SLIT2: variants seen among roughly 807,000 people sequenced by gnomAD.
SLIT2 encodes the protein slit guidance ligand 2.
A neutral mutation model predicts 185.7 loss-of-function variants in SLIT2; 41 were observed. The ratio of observed to expected loss-of-function variants is 0.22; its 90% CI spans 0.17 to 0.29. SLIT2 has a LOEUF of 0.29. SLIT2 is among the 10% of genes least tolerant of loss of function. The pLI is 1.00. For missense variants in SLIT2, 1,571 were observed against 1,909.0 expected (o/e 0.82, Z 3.30); for synonymous variants, 693 against 680.2 (o/e 1.02, Z -0.29).
chr4:20,612,379 A>AG (rs1729289939), intron 34 of SLIT2, among the ~76,000 whole-genome samples: 1 of 151,478 alleles, frequency 6.6e-6, no homozygotes, highest in Non-Finnish European at 1.5e-5. Flanking sequence ...CTGAAGGTAG[A>AG]GGGCCTGGAA....
intron 18 of SLIT2, among the ~76,000 whole-genome samples, chr4:20,534,313 T>G (rs891505550): frequency 6.6e-6 from 1 of 152,110 alleles, no homozygotes; most frequent in African/African-American, 2.4e-5. Context: ...CTTCCACTGT[T>G]TTTTCAAAGA....
chr4:20,342,162 G>A (rs1394372844), intron 4 of SLIT2, among the ~76,000 whole-genome samples: 2 of 152,032 alleles, frequency 1.3e-5, no homozygotes, highest in Non-Finnish European at 2.9e-5. Context: ...CACATTTCTA[G>A]GAAATTAGTG....
In SLIT2 at chr4:20,534,036, C is replaced by T. The variant is rs546708207; in HGVS notation, c.1832+321C>T. Among the ~76,000 whole-genome samples the T allele has an allele frequency of 1.1e-4, 17 of 152,300 alleles. No individual in the cohort carries two copies. The South Asian group carries it at 3.5e-3, about 32-fold the overall frequency. On this transcript the variant is annotated intron_variant, in intron 18 of 36. Transcript: ENST00000504154. ...ATAGCAGATGATCAGGAGCGTCCCCCATGGCTTCTGTCTCTTCTACAAAAT... is the reference window on the plus strand; with the variant it reads ...ATAGCAGATGATCAGGAGCGTCCCCTATGGCTTCTGTCTCTTCTACAAAAT...
In SLIT2 at chr4:20,392,430, T is replaced by A. The variant is rs554200221; in HGVS notation, c.396-75322T>A. Among the ~76,000 whole-genome samples the A allele has an allele frequency of 5.7e-4, 87 of 152,238 alleles. No individual in the cohort carries two copies. The South Asian group carries it at 0.015, about 25-fold the overall frequency. On this transcript the variant is annotated intron_variant, in intron 4 of 36. Transcript: ENST00000504154. Reference sequence around the variant, plus strand: ...ATTGAATGAGTGAGTGATGAGTGAATGTGAAGGCCTAGGACATTACTGTAC... The same window carrying A: ...ATTGAATGAGTGAGTGATGAGTGAAAGTGAAGGCCTAGGACATTACTGTAC...
chr4:20,378,574 T>C (rs1462716769), intron 4 of SLIT2, among the ~76,000 whole-genome samples: 1 of 152,124 alleles, frequency 6.6e-6, no homozygotes, highest in Non-Finnish European at 1.5e-5. Flanking sequence ...AACTCAGTAG[T>C]TGCTAGTATT....
intron 4 of SLIT2, among the ~76,000 whole-genome samples, chr4:20,408,817 C>T (rs1250808206): frequency 1.3e-5 from 2 of 152,122 alleles, no homozygotes; most frequent in East Asian, 1.9e-4. Context: ...CGCTGTGGCT[C>T]ATGGTGTTGC....
At chr4:20,308,506 A>C (rs928009873) in intron 4 of SLIT2, among the ~76,000 whole-genome samples, 7 of 152,208 alleles carry the variant, frequency 4.6e-5, no homozygotes, top group African/African-American at 1.7e-4. Context: ...AGTCAAATAC[A>C]TGAAGCTTTG....
chr4:20,466,678 G>C lies in SLIT2; in HGVS notation c.396-1074G>C, dbSNP rs891141740. 3.3e-5 allele frequency among the ~76,000 whole-genome samples: 5 copies of C among 152,058 alleles called. 1 individual carries two copies. Among genetic ancestry groups the C allele is most frequent in the Admixed American group, 3.3e-4 (5 of 15,264 alleles). On this transcript the variant is annotated intron_variant, in intron 4 of 36. Transcript: ENST00000504154. ...AGAAACTCAGATCATAAGCAGCAGT[G>C]GGGGAGAGGATGTGGATGAGTCTGT...
intron 26 of SLIT2, among the ~76,000 whole-genome samples, chr4:20,555,722 C>T (rs1186079631): frequency 6.6e-6 from 1 of 151,946 alleles, no homozygotes; most frequent in Non-Finnish European, 1.5e-5. Context: ...ATTTGCACCA[C>T]ATTGTAAATA....
intron 26 of SLIT2, among the ~76,000 whole-genome samples, chr4:20,566,144 G>A (rs932644293): frequency 2.0e-5 from 3 of 152,004 alleles, no homozygotes; most frequent in African/African-American, 4.8e-5. Flanking sequence ...GAGCAGTAAC[G>A]GTGGGGGTGC....
chr4:20,579,900 A>G (rs1726395202), intron 29 of SLIT2, among the ~76,000 whole-genome samples: 1 of 149,822 alleles, frequency 6.7e-6, no homozygotes, highest in Non-Finnish European at 1.5e-5. Flanking sequence ...TTTTTTAAAG[A>G]AAAAGTACAT....
chr4:20,511,587 A>AT lies in SLIT2; in HGVS notation c.1058+466dup, dbSNP rs759622666. ...AGGCGCCTGCCACCACATCCAGCTA[A>AT]TTTTTTTTTTTTTTTTATTTTTGGT... is the stretch of plus-strand genomic sequence containing the variant. On this transcript the variant is annotated intron_variant, in intron 11 of 36. Transcript: ENST00000504154. 1.0e-3 allele frequency among the ~76,000 whole-genome samples: 85 copies of AT among 82,192 alleles called. 2 individuals are homozygous for AT. Among genetic ancestry groups the AT allele is most frequent in the South Asian group, 2.3e-3 (5 of 2,214 alleles). The allele number at this position is 82,192 out of a possible 152,430, so 53.9% of individuals were successfully genotyped here.
At chr4:20,553,673 GA>G (rs1723977777) in intron 25 of SLIT2, 131 bp from the exon 26 acceptor site, 1 of 821,528 alleles carries the variant, frequency 1.2e-6, no homozygotes, top group Non-Finnish European at 1.7e-6. Context: ...AATCTATGGG[GA>G]TTTTCTGCTG....
chr4:20,329,285 T>C (rs1355419125), intron 4 of SLIT2, among the ~76,000 whole-genome samples: 5 of 151,946 alleles, frequency 3.3e-5, no homozygotes, highest in Non-Finnish European at 2.9e-5. Context: ...CAAATATAAA[T>C]AAACATTATA....
rs774548817 is a variant in SLIT2, at chr4:20,598,385, G to T, written c.3682G>T (p.Ala1228Ser). Reference protein sequence around the residue: ...SYDTGSHPASAIYSVETINDG... With the variant: ...SYDTGSHPASSIYSVETINDG... ...TGACACCGGCTCTCATCCAGCTTCT[G>T]CCATTTACAGGTGAAGATCTCTCAG... The change falls in exon 33 of 37, where the codon GCC (alanine) becomes TCC (serine). Residue 1228 changes from alanine (A) to serine (S), a missense_variant. By Grantham distance (99) the Ala-to-Ser change is moderately conservative. Coordinates refer to ENST00000504154, the MANE Select transcript of SLIT2 (RefSeq NM_004787.4). The T allele has an allele frequency of 6.2e-7, 1 of 1,614,014 alleles. No individual in the cohort carries two copies. Among genetic ancestry groups the T allele is most frequent in the Non-Finnish European group, 8.5e-7 (1 of 1,179,942 alleles).
intron 4 of SLIT2, among the ~76,000 whole-genome samples, chr4:20,291,904 C>CTGTGTGTGTG (rs35335088): frequency 1.4e-5 from 2 of 146,858 alleles, no homozygotes; most frequent in Non-Finnish European, 3.0e-5. Context: ...CTGCACACCT[C>CTGTGTGTGTG]TGTGTGTGTG....
chr4:20,419,212 A>G lies in SLIT2; in HGVS notation c.396-48540A>G, dbSNP rs558385926. Among the ~76,000 whole-genome samples the G allele has an allele frequency of 5.3e-5, 8 of 152,338 alleles. No individual in the cohort carries two copies. In the East Asian group the frequency reaches 1.5e-3, roughly 29 times the overall value. ...TATCTAGAAGACATGTCAACTGTTG[A>G]AAGCCAATAAATGTCACAAGAACCC... is the stretch of plus-strand genomic sequence containing the variant. On this transcript the variant is annotated intron_variant, in intron 4 of 36. Coordinates refer to ENST00000504154, the MANE Select transcript of SLIT2 (RefSeq NM_004787.4).
intron 16 of SLIT2, among the ~76,000 whole-genome samples, chr4:20,530,614 G>A (rs1721713809): frequency 6.6e-6 from 1 of 152,018 alleles, no homozygotes; most frequent in African/African-American, 2.4e-5. Context: ...TTGTCATGGA[G>A]GAATTATAGT....
At chr4:20,338,754 A>G (rs895821529) in intron 4 of SLIT2, among the ~76,000 whole-genome samples, 21 of 152,098 alleles carry the variant, frequency 1.4e-4, no homozygotes, top group Non-Finnish European at 3.1e-4. Context: ...TTCTTATGAG[A>G]ACAAATACCA....
Sources: gnomAD v4.1 joint callset for allele counts (sites outside exome capture counted in the v4.1 genomes callset) on GRCh38, gnomAD v4.1.1 for gene constraint, MANE v1.5 for transcripts, NCBI Gene and HGNC (gene_info 2026-07-23, HGNC 2026-07-21) for gene names.